ERBIN: variants seen among roughly 807,000 people sequenced by gnomAD.
ERBIN encodes erbb2 interacting protein.
In ERBIN, 60 loss-of-function variants were observed where a neutral mutation model predicts 158.4. The observed-to-expected ratio is 0.38, with a 90% CI of 0.31 to 0.47. ERBIN has a LOEUF of 0.47. Ranked by LOEUF, ERBIN falls within the 20% of genes least tolerant of loss-of-function variation. The probability of loss-of-function intolerance (pLI) is 0.99; values close to 1 mark genes in which losing one functional copy is unlikely to be tolerated. For synonymous variants in ERBIN, 594 were observed against 557.2 expected, an observed-to-expected ratio of 1.07 and a Z score of -0.93; for missense variants, 1,610 against 1,648.0, an observed-to-expected ratio of 0.98 and a Z score of 0.40.
intron 19 of ERBIN, among the ~76,000 whole-genome samples, chr5:66,049,723 A>G (rs1437515607): frequency 6.6e-6 from 1 of 152,094 alleles, no homozygotes; most frequent in Admixed American, 6.5e-5. Flanking sequence ...TCCTTAATTC[A>G]TATAATCATC....
chr5:65,992,661 A>T, intron 2 of ERBIN, 49 bp from the exon 3 acceptor site: 1 of 1,348,890 alleles, frequency 7.4e-7, no homozygotes, highest in Non-Finnish European at 1.0e-6. Flanking sequence ...GTTCTGAAAA[A>T]CCGTTGTAAT....
At position 66,054,711 on chromosome 5, in the gene ERBIN, A is replaced by G; in HGVS notation, c.3393A>G (p.Thr1131=). 4 of 1,614,162 alleles carry G rather than the reference A, an allele frequency of 2.5e-6. No individual in the cohort carries two copies. Among genetic ancestry groups the G allele is most frequent in the Non-Finnish European group, 3.4e-6 (4 of 1,180,000 alleles). ...CACAGAGACCCCTTTCTGCACGAAC[A>G]TACAGCATAGATGGTCCAAATGCAT... The part of the protein sequence containing the change: ...PGSQRPLSAR[T]YSIDGPNASR... The change falls in exon 21 of 26, where the codon ACA becomes ACG. Residue 1131 remains threonine (T), a synonymous_variant. Transcript: ENST00000284037.
chr5:65,931,091 C>T (rs542942482), intron 1 of ERBIN, among the ~76,000 whole-genome samples: 1 of 152,292 alleles, frequency 6.6e-6, no homozygotes, highest in East Asian at 1.9e-4. Context: ...CTCTACTTAT[C>T]TGGAGGTTAT....
At chr5:65,966,680 CAAAAAAAAAAAAAAAA>C (rs70987105) in intron 1 of ERBIN, among the ~76,000 whole-genome samples, 1 of 50,112 alleles carries the variant, frequency 2.0e-5, no homozygotes, top group Non-Finnish European at 3.5e-5. Flanking sequence ...AACTCTGTCT[CAAAAAAAAAAAAAAAA>C]AAAAAAAAAA....
intron 21 of ERBIN, among the ~76,000 whole-genome samples, chr5:66,064,412 A>T (rs1193669045): frequency 6.6e-6 from 1 of 152,212 alleles, no homozygotes; most frequent in Non-Finnish European, 1.5e-5. Context: ...CTTGCTATAC[A>T]AATATTTCTC....
chr5:66,017,883 A>G (rs1436464393), intron 7 of ERBIN, among the ~76,000 whole-genome samples: 1 of 152,148 alleles, frequency 6.6e-6, no homozygotes, highest in African/African-American at 2.4e-5. Flanking sequence ...ATAGAGGTCT[A>G]GTTTTATTTT....
At chr5:65,966,699 A>G (rs1177420485) in intron 1 of ERBIN, among the ~76,000 whole-genome samples, 6 of 150,890 alleles carry the variant, frequency 4.0e-5, no homozygotes, top group Non-Finnish European at 4.4e-5. Flanking sequence ...AAAAAAAAAA[A>G]AAAAAAAAAA....
At chr5:65,942,548 A>C (rs1366190504) in intron 1 of ERBIN, among the ~76,000 whole-genome samples, 4 of 152,250 alleles carry the variant, frequency 2.6e-5, no homozygotes, top group African/African-American at 9.6e-5. Context: ...AAAAAAGTTT[A>C]CATCAATATT....
chr5:65,960,257 A>T (rs904192645), intron 1 of ERBIN, among the ~76,000 whole-genome samples: 2 of 152,224 alleles, frequency 1.3e-5, no homozygotes, highest in African/African-American at 2.4e-5. Context: ...TACACACTAT[A>T]TGATGGATTA....
intron 1 of ERBIN, among the ~76,000 whole-genome samples, chr5:65,985,165 C>G (rs1454349430): frequency 1.3e-5 from 2 of 152,222 alleles, no homozygotes; most frequent in East Asian, 3.9e-4. Context: ...GCAATCTTGG[C>G]TCACTCCAGC....
intron 1 of ERBIN, among the ~76,000 whole-genome samples, chr5:65,983,812 T>C (rs947752950): frequency 1.4e-4 from 21 of 152,164 alleles, no homozygotes; most frequent in Admixed American, 1.4e-3. Context: ...TCTGTGGATC[T>C]GGAGACCTGG....
chr5:66,062,719 G>T (rs1158943994), intron 21 of ERBIN, among the ~76,000 whole-genome samples: 1 of 152,078 alleles, frequency 6.6e-6, no homozygotes, highest in African/African-American at 2.4e-5. Flanking sequence ...TGGGTTTTTG[G>T]TGTGGATGTC....
At chr5:66,016,426 A>G (rs1166978509) in intron 7 of ERBIN, among the ~76,000 whole-genome samples, 1 of 152,284 alleles carries the variant, frequency 6.6e-6, no homozygotes, top group Non-Finnish European at 1.5e-5. Flanking sequence ...TCCTTTTAAG[A>G]TATGATTGTA....
intron 1 of ERBIN, among the ~76,000 whole-genome samples, chr5:65,958,251 T>C (rs562582916): frequency 2.6e-5 from 4 of 152,058 alleles, no homozygotes; most frequent in East Asian, 1.9e-4. Context: ...CTCGGCACTT[T>C]GGGAGGCCAA....
At chr5:66,051,855 A>T (rs1355270059) in intron 20 of ERBIN, among the ~76,000 whole-genome samples, 1 of 149,674 alleles carries the variant, frequency 6.7e-6, no homozygotes, top group Admixed American at 6.7e-5. Context: ...TGATCACCCC[A>T]CTGCATTCCA....
At chr5:66,015,077 C>T (rs1754571313) in intron 7 of ERBIN, among the ~76,000 whole-genome samples, 2 of 152,084 alleles carry the variant, frequency 1.3e-5, no homozygotes, top group Non-Finnish European at 2.9e-5. Flanking sequence ...TTAGAAAGAT[C>T]CATAGGATCT....
At chr5:65,939,162 G>GGC (rs538112471) in intron 1 of ERBIN, among the ~76,000 whole-genome samples, 40 of 152,230 alleles carry the variant, frequency 2.6e-4, no homozygotes, top group African/African-American at 9.6e-4. Context: ...ACAATAGCCA[G>GGC]GCATGGTGGC....
chr5:66,025,366 T>C (rs1756127678), intron 10 of ERBIN, 114 bp from the exon 11 acceptor site: 1 of 790,474 alleles, frequency 1.3e-6, no homozygotes, highest in Admixed American at 1.9e-5. Flanking sequence ...TAGATACGTT[T>C]GTTAGGAAAG....
intron 1 of ERBIN, among the ~76,000 whole-genome samples, chr5:65,964,674 G>A (rs1184102959): frequency 6.6e-6 from 1 of 151,430 alleles, no homozygotes. Context: ...TGATTTTCAG[G>A]TACTGCAGAC....
Sources: gnomAD v4.1 joint callset for allele counts (sites outside exome capture counted in the v4.1 genomes callset) on GRCh38, gnomAD v4.1.1 for gene constraint, MANE v1.5 for transcripts, NCBI Gene and HGNC (gene_info 2026-07-23, HGNC 2026-07-21) for gene names.